Variants in DLGAP2 observed in about 807,000 individuals in gnomAD.
The protein encoded by DLGAP2 is DLG associated protein 2, also known as disks large-associated protein 2.
Under a neutral mutation model 100.3 loss-of-function variants are expected in DLGAP2, and 26 were observed. The ratio of observed to expected loss-of-function variants is 0.26; its 90% CI spans 0.19 to 0.36. The LOEUF (loss-of-function observed/expected upper bound fraction) is 0.36, where lower values mean the gene tolerates loss of function less well. Among genes scored for constraint, DLGAP2 ranks in the 10% least tolerant of loss-of-function variants. The probability of loss-of-function intolerance (pLI) is 1.00; values close to 1 mark genes in which losing one functional copy is unlikely to be tolerated. For synonymous variants in DLGAP2, 886 were observed against 630.1 expected (o/e 1.41, Z -6.08); for missense variants, 1,858 against 1,453.2 (o/e 1.28, Z -4.53).
At position 1,324,298 on chromosome 8, in the gene DLGAP2, T is replaced by G. The variant is rs191580687; in HGVS notation, c.106+65415T>G. On this transcript the variant is annotated intron_variant, in intron 3 of 14. Transcript: ENST00000637795. ...AGAGTTTTCATTGAGCTCCAGGCCA[T>G]TTTGTCCCAGAGAGCACATTCCTAT... Among the ~76,000 whole-genome samples, 531 of 152,318 alleles carry G rather than the reference T, an allele frequency of 3.5e-3. 5 individuals carry two copies. Among genetic ancestry groups the G allele is most frequent in the African/African-American group, 0.012 (489 of 41,574 alleles).
At chr8:1,615,345 G>C (rs943402170) in intron 6 of DLGAP2, among the ~76,000 whole-genome samples, 1 of 152,184 alleles carries the variant, frequency 6.6e-6, no homozygotes, top group Non-Finnish European at 1.5e-5. Flanking sequence ...GCACACATTG[G>C]AGGAGGGAGC....
chr8:919,323 G>A (rs1392895566), intron 2 of DLGAP2, among the ~76,000 whole-genome samples: 3 of 152,126 alleles, frequency 2.0e-5, no homozygotes, highest in Non-Finnish European at 4.4e-5. Context: ...CAGAGCTGCC[G>A]ACATCAGGCC....
intron 2 of DLGAP2, among the ~76,000 whole-genome samples, chr8:1,041,141 AAC>A (rs1297855145): frequency 6.6e-6 from 1 of 152,170 alleles, no homozygotes; most frequent in Non-Finnish European, 1.5e-5. Flanking sequence ...AATTTTAAAT[AAC>A]AGTTAAATAT....
At chr8:1,002,633 T>C (rs1006589353) in intron 2 of DLGAP2, 3 of 152,106 alleles carry the variant, frequency 2.0e-5, no homozygotes, top group African/African-American at 7.2e-5. Flanking sequence ...CCCTGTGGGG[T>C]GGCTGTGAAA....
chr8:1,501,659 C>G (rs1192141388), intron 4 of DLGAP2, among the ~76,000 whole-genome samples: 2 of 152,254 alleles, frequency 1.3e-5, no homozygotes, highest in African/African-American at 4.8e-5. Flanking sequence ...GGAACTGAGG[C>G]AGCCGTTCAC....
chr8:1,110,501 C>G (rs1804919543), intron 2 of DLGAP2, among the ~76,000 whole-genome samples: 3 of 149,700 alleles, frequency 2.0e-5, no homozygotes, highest in Admixed American at 1.3e-4. Flanking sequence ...GTGATGTGTG[C>G]ACGTGCCTGT....
intron 3 of DLGAP2, among the ~76,000 whole-genome samples, chr8:1,354,355 A>C (rs538840367): frequency 1.4e-4 from 21 of 152,108 alleles, no homozygotes; most frequent in Admixed American, 2.6e-4. Context: ...AAAATACAAA[A>C]AATACAAAGT....
intron 2 of DLGAP2, among the ~76,000 whole-genome samples, chr8:1,101,333 C>T (rs1804572280): frequency 6.6e-6 from 1 of 152,228 alleles, no homozygotes. Flanking sequence ...GTATGCTCTG[C>T]TTGCAGAATC....
At chr8:1,206,900 C>T (rs555811052) in intron 2 of DLGAP2, among the ~76,000 whole-genome samples, 3 of 152,126 alleles carry the variant, frequency 2.0e-5, no homozygotes, top group South Asian at 2.1e-4. Context: ...GGTCTGCCCC[C>T]GGCCCCGTCT....
At chr8:788,707 GT>G (rs1821946592) in intron 1 of DLGAP2, among the ~76,000 whole-genome samples, 1 of 152,216 alleles carries the variant, frequency 6.6e-6, no homozygotes, top group South Asian at 2.1e-4. Flanking sequence ...TGGGGGCAGT[GT>G]TTTAATCAGA....
At chr8:1,064,402 T>TG (rs545197896) in intron 2 of DLGAP2, among the ~76,000 whole-genome samples, 266 of 152,284 alleles carry the variant, frequency 1.7e-3, no homozygotes, top group Non-Finnish European at 2.9e-3. Flanking sequence ...GGGTGCTGTT[T>TG]GGGGATGTTG....
intron 3 of DLGAP2, among the ~76,000 whole-genome samples, chr8:1,454,249 C>A (rs1024635879): frequency 1.3e-5 from 2 of 152,186 alleles, no homozygotes. Context: ...TCATCCACAG[C>A]GTCCCCACTT....
intron 1 of DLGAP2, among the ~76,000 whole-genome samples, chr8:752,644 G>A (rs902754297): frequency 2.0e-5 from 3 of 152,186 alleles, no homozygotes; most frequent in Admixed American, 1.3e-4. Context: ...AGAAGATGAA[G>A]GCTTAAATTC....
At chr8:1,202,509 C>A (rs569004546) in intron 2 of DLGAP2, among the ~76,000 whole-genome samples, 2 of 151,982 alleles carry the variant, frequency 1.3e-5, no homozygotes, top group African/African-American at 4.8e-5. Context: ...GTCAGACATA[C>A]AAAAACATGT....
intron 2 of DLGAP2, among the ~76,000 whole-genome samples, chr8:1,032,357 C>G (rs1481103485): frequency 2.0e-5 from 3 of 152,190 alleles, no homozygotes; most frequent in African/African-American, 2.4e-5. Flanking sequence ...CTGCCTGTCA[C>G]TCGGCAGGAC....
At chr8:1,701,120 G>T in intron 14 of DLGAP2, 68 bp from the exon 15 acceptor site, 1 of 1,454,330 alleles carries the variant, frequency 6.9e-7, no homozygotes, top group Non-Finnish European at 9.3e-7. Context: ...CCCCAGGGCC[G>T]CTGAGCTCGC....
At chr8:1,134,365 G>C (rs149050187) in intron 2 of DLGAP2, among the ~76,000 whole-genome samples, 2 of 152,256 alleles carry the variant, frequency 1.3e-5, no homozygotes, top group African/African-American at 4.8e-5. Flanking sequence ...GGGATTGCTT[G>C]GTGCAATGGT....
intron 3 of DLGAP2, among the ~76,000 whole-genome samples, chr8:1,432,221 C>T (rs1473979300): frequency 6.6e-6 from 1 of 152,204 alleles, no homozygotes; most frequent in African/African-American, 2.4e-5. Context: ...CTGTAAAAGC[C>T]AGTGGCTAAG....
At chr8:985,527 G>A (rs1800461546) in intron 2 of DLGAP2, among the ~76,000 whole-genome samples, 1 of 152,194 alleles carries the variant, frequency 6.6e-6, no homozygotes, top group South Asian at 2.1e-4. Flanking sequence ...GCAAGTATAT[G>A]TGATTAATGC....
Sources: allele counts gnomAD v4.1 joint callset (sites outside exome capture counted in the v4.1 genomes callset), GRCh38; gene constraint gnomAD v4.1.1; transcripts MANE v1.5; gene names NCBI Gene and HGNC (gene_info 2026-07-23, HGNC 2026-07-21).